Variants in DEPDC5 observed in about 807,000 individuals in gnomAD.
DEPDC5 encodes the protein DEP domain containing 5, GATOR1 subcomplex subunit.
DEPDC5 carries 73 observed loss-of-function variants against 217.3 expected under a neutral mutation model. That is an observed-to-expected ratio of 0.34 (90% CI 0.28 to 0.41). The LOEUF is 0.41. DEPDC5 is among the 10% of genes least tolerant of loss of function. DEPDC5 has a pLI of 1.00. For synonymous variants in DEPDC5, 733 were observed against 756.7 expected, an observed-to-expected ratio of 0.97 and a Z score of 0.51; for missense variants, 1,675 against 2,070.1, an observed-to-expected ratio of 0.81 and a Z score of 3.70.
At chr22:31,806,257 A>T (rs2087526243) in intron 18 of DEPDC5, 66 bp downstream of exon 18, 7 of 1,379,952 alleles carry the variant, frequency 5.1e-6, no homozygotes, top group Middle Eastern at 1.9e-4. Flanking sequence ...GAGCTCCTGG[A>T]CTCAATCAGT....
intron 41 of DEPDC5, among the ~76,000 whole-genome samples, chr22:31,904,357 C>T (rs1305233512): frequency 6.6e-6 from 1 of 151,952 alleles, no homozygotes; most frequent in Non-Finnish European, 1.5e-5. Flanking sequence ...TCCTGGTGAC[C>T]TAAGGAAGAA....
At chr22:31,837,814 G>A (rs527275165) in intron 26 of DEPDC5, among the ~76,000 whole-genome samples, 11 of 152,006 alleles carry the variant, frequency 7.2e-5, no homozygotes, top group Admixed American at 3.3e-4. Context: ...CGATTCTCAC[G>A]TCTCAGCCTC....
At chr22:31,828,469 A>T (rs1266463293) in intron 24 of DEPDC5, among the ~76,000 whole-genome samples, 1 of 151,916 alleles carries the variant, frequency 6.6e-6, no homozygotes, top group Admixed American at 6.6e-5. Flanking sequence ...AAAAAAAAAA[A>T]AAAAACAGTT....
At chr22:31,779,018 G>T (rs1252426731) in intron 8 of DEPDC5, among the ~76,000 whole-genome samples, 2 of 152,160 alleles carry the variant, frequency 1.3e-5, no homozygotes, top group African/African-American at 4.8e-5. Flanking sequence ...ATGTTAATAT[G>T]TTGTGGGGGT....
intron 41 of DEPDC5, among the ~76,000 whole-genome samples, chr22:31,904,508 C>T (rs1022688683): frequency 1.6e-4 from 24 of 152,244 alleles, no homozygotes; most frequent in African/African-American, 4.1e-4. Context: ...TTTGGGAGGC[C>T]GAAGCAGGCG....
intron 10 of DEPDC5, among the ~76,000 whole-genome samples, chr22:31,788,686 G>A (rs1243325837): frequency 4.6e-5 from 7 of 151,710 alleles, no homozygotes; most frequent in Non-Finnish European, 7.4e-5. Context: ...CAGTTCTCCT[G>A]CTTCAGCCTC....
intron 14 of DEPDC5, 119 bp downstream of exon 14, chr22:31,798,775 C>T: frequency 1.1e-6 from 1 of 884,672 alleles, no homozygotes; most frequent in Non-Finnish European, 1.7e-6. Context: ...AGAAAGAATT[C>T]AGGACCAGTC....
chr22:31,783,497 C>A (rs1261832056), intron 8 of DEPDC5, among the ~76,000 whole-genome samples: 2 of 151,936 alleles, frequency 1.3e-5, no homozygotes, highest in African/African-American at 4.8e-5. Context: ...CCCCTCTCTA[C>A]AAAAAAATAC....
chr22:31,800,594 C>T (rs2086764606), intron 14 of DEPDC5, among the ~76,000 whole-genome samples: 1 of 151,972 alleles, frequency 6.6e-6, no homozygotes, highest in Non-Finnish European at 1.5e-5. Context: ...CCCCATCCCT[C>T]AACTGCTTCT....
At chr22:31,760,882 A>C (rs1001515703) in intron 4 of DEPDC5, among the ~76,000 whole-genome samples, 180 bp downstream of exon 4, 2 of 152,158 alleles carry the variant, frequency 1.3e-5, no homozygotes, top group Non-Finnish European at 2.9e-5. Flanking sequence ...TATATTGTGT[A>C]CTGGTGGGGA....
At chr22:31,895,983 A>G (rs1328156258) in intron 39 of DEPDC5, among the ~76,000 whole-genome samples, 1 of 151,652 alleles carries the variant, frequency 6.6e-6, no homozygotes, top group Non-Finnish European at 1.5e-5. Flanking sequence ...CCCAGTAGGC[A>G]TAAGCACTCT....
intron 32 of DEPDC5, among the ~76,000 whole-genome samples, chr22:31,860,832 G>GA (rs1240310072): frequency 1.3e-5 from 2 of 152,054 alleles, no homozygotes; most frequent in African/African-American, 4.8e-5. Context: ...GTAACAGGCA[G>GA]AAAAAACCTC....
At chr22:31,758,990 C>T (rs2082158256) in intron 3 of DEPDC5, among the ~76,000 whole-genome samples, 1 of 151,884 alleles carries the variant, frequency 6.6e-6, no homozygotes, top group Admixed American at 6.6e-5. Flanking sequence ...GCAACCTCTG[C>T]CTCCCAGCCC....
At chr22:31,794,463 T>G (rs2086018347) in intron 12 of DEPDC5, among the ~76,000 whole-genome samples, 1 of 152,220 alleles carries the variant, frequency 6.6e-6, no homozygotes, top group Non-Finnish European at 1.5e-5. Context: ...TTTATAGGTG[T>G]ATATGACTAT....
chr22:31,891,531 G>T (rs146033639), intron 38 of DEPDC5: 4 of 179,742 alleles, frequency 2.2e-5, no homozygotes, highest in African/African-American at 9.6e-5. Flanking sequence ...TAGTGACCTA[G>T]CTGGAGCTCT....
chr22:31,858,419 G>A (rs2092385256), intron 32 of DEPDC5: 1 of 152,186 alleles, frequency 6.6e-6, no homozygotes, highest in Non-Finnish European at 1.5e-5. Context: ...GGGAAATTCA[G>A]ATTCAGATCA....
chr22:31,797,800 G>C, intron 13 of DEPDC5, 97 bp downstream of exon 13: 1 of 914,574 alleles, frequency 1.1e-6, no homozygotes, highest in Non-Finnish European at 1.7e-6. Flanking sequence ...CTCTCCCATT[G>C]CCGTGTGTAG....
chr22:31,799,427 TG>T (rs1468404148), intron 14 of DEPDC5, among the ~76,000 whole-genome samples: 2 of 151,712 alleles, frequency 1.3e-5, no homozygotes, highest in East Asian at 3.9e-4. Context: ...TGTGCCATGG[TG>T]GTTTGCTGCA....
At chr22:31,788,883 CTTTAT>C (rs2085323260) in intron 10 of DEPDC5, among the ~76,000 whole-genome samples, 1 of 151,022 alleles carries the variant, frequency 6.6e-6, no homozygotes. Flanking sequence ...GGCCCATATT[CTTTAT>C]TTTATTTATT....
Sources: allele counts gnomAD v4.1 joint callset (sites outside exome capture counted in the v4.1 genomes callset), GRCh38; gene constraint gnomAD v4.1.1; transcripts MANE v1.5; gene names NCBI Gene and HGNC (gene_info 2026-07-23, HGNC 2026-07-21).